RYR2: variants seen among roughly 807,000 people sequenced by gnomAD.
The protein encoded by RYR2 is cardiac muscle ryanodine receptor-calcium release channel.
RYR2 carries 227 observed loss-of-function variants against 601.1 expected under a neutral mutation model. The observed-to-expected ratio is 0.38, with a 90% CI of 0.34 to 0.42. The LOEUF (loss-of-function observed/expected upper bound fraction) is 0.42, where lower values mean the gene tolerates loss of function less well. Ranked by LOEUF, RYR2 falls within the 10% of genes least tolerant of loss-of-function variation. The pLI, the probability that RYR2 is intolerant of heterozygous loss-of-function variation, is 1.00. For missense variants in RYR2, 4,646 were observed against 6,156.5 expected (o/e 0.75, Z 8.21); for synonymous variants, 2,223 against 2,175.1 (o/e 1.02, Z -0.61).
At position 237,792,106 on chromosome 1, in the gene RYR2, T is replaced by C. The variant is rs1361438801; in HGVS notation, c.13565T>C (p.Val4522Ala). ...TCTACTTTAAATGCTTTGAATCAGG[T>C]CTCCACTTCTTCTGTGGTTGAAGGA... ...AINFILLFYK[V>A]STSSVVEGKE... Residue 4522 changes from valine to alanine, a missense_variant and splice_region_variant, in exon 94 of 105, where the codon GTC (valine) becomes GCC (alanine). Transcript: ENST00000366574. The C allele has an allele frequency of 6.3e-7, 1 of 1,587,554 alleles. No homozygotes were observed. Among genetic ancestry groups the C allele is most frequent in the Non-Finnish European group, 8.6e-7 (1 of 1,165,950 alleles).
intron 1 of RYR2, among the ~76,000 whole-genome samples, chr1:237,156,689 A>G (rs1319320015): frequency 6.6e-6 from 1 of 152,202 alleles, no homozygotes; most frequent in Non-Finnish European, 1.5e-5. Context: ...GCTTAAGTGA[A>G]TATAGTAATA....
chr1:237,681,045 C>T (rs563562251), intron 62 of RYR2, among the ~76,000 whole-genome samples: 4 of 152,240 alleles, frequency 2.6e-5, no homozygotes, highest in Admixed American at 1.3e-4. Flanking sequence ...CTGAAGCTTT[C>T]CCCTCTTAAC....
intron 1 of RYR2, among the ~76,000 whole-genome samples, chr1:237,042,967 C>T (rs1256450046): frequency 5.3e-5 from 8 of 151,680 alleles, no homozygotes; most frequent in Admixed American, 5.2e-4. Context: ...CAGGGTGGCC[C>T]GTGGGGGCGC....
intron 35 of RYR2, among the ~76,000 whole-genome samples, chr1:237,607,284 TGAAGC>T (rs1471726505): frequency 2.6e-5 from 4 of 152,066 alleles, no homozygotes; most frequent in South Asian, 4.2e-4. Flanking sequence ...GGGACATGGA[TGAAGC>T]TGGAAACCAC....
intron 16 of RYR2, among the ~76,000 whole-genome samples, chr1:237,465,309 T>C (rs1333068900): frequency 1.3e-5 from 2 of 152,194 alleles, no homozygotes; most frequent in African/African-American, 2.4e-5. Context: ...CTAAATTTGA[T>C]TTATAAATAC....
intron 1 of RYR2, among the ~76,000 whole-genome samples, chr1:237,061,747 A>C (rs576892425): frequency 6.6e-5 from 10 of 151,760 alleles, no homozygotes; most frequent in Non-Finnish European, 1.5e-4. Flanking sequence ...GTCGAAGAGC[A>C]GTTTTTCACT....
At chr1:237,369,743 T>C in intron 6 of RYR2, 135 bp downstream of exon 6, 1 of 692,296 alleles carries the variant, frequency 1.4e-6, no homozygotes, top group Non-Finnish European at 2.4e-6. Context: ...CATATCTTTG[T>C]ACCCTTGTTA....
chr1:237,092,213 G>A lies in RYR2; in HGVS notation c.48+49644G>A, dbSNP rs1396565470. ...CCCACCCTTGGGTTAACAATGGGTTGATGTTACCTGGTGTGCCGTGTAGAG... is the reference window on the plus strand; with the variant it reads ...CCCACCCTTGGGTTAACAATGGGTTAATGTTACCTGGTGTGCCGTGTAGAG... On this transcript the variant is annotated intron_variant, in intron 1 of 104. Coordinates refer to ENST00000366574, the MANE Select transcript of RYR2 (RefSeq NM_001035.3). 2.0e-5 allele frequency among the ~76,000 whole-genome samples: 3 copies of A among 152,192 alleles called. No individual in the cohort carries two copies. In the East Asian group the frequency reaches 5.8e-4, roughly 29 times the overall value.
intron 10 of RYR2, among the ~76,000 whole-genome samples, chr1:237,396,575 G>A (rs547661316): frequency 1.3e-5 from 2 of 152,150 alleles, no homozygotes; most frequent in Admixed American, 1.3e-4. Context: ...TTCTTTGCCT[G>A]AGGGGAGGTT....
intron 39 of RYR2, 97 bp from the exon 40 acceptor site, chr1:237,625,564 C>T (rs757342265): frequency 4.0e-6 from 5 of 1,263,256 alleles, no homozygotes; most frequent in Non-Finnish European, 5.5e-6. Context: ...TGACATTGTT[C>T]TAAGTTGTGC....
intron 73 of RYR2, among the ~76,000 whole-genome samples, chr1:237,720,290 C>T (rs1689612205): frequency 6.6e-6 from 1 of 152,052 alleles, no homozygotes; most frequent in Non-Finnish European, 1.5e-5. Flanking sequence ...ATATGCCTTT[C>T]TGGGTATTAA....
rs377561571 is a variant in RYR2, at chr1:237,413,499, C to G, written c.774-3550C>G. On this transcript the variant is annotated intron_variant, in intron 10 of 104. Transcript: ENST00000366574. ...TATTGTATAAATCCATATAACTTTA[C>G]AAAGATATATTATTCATGCTATTTG... is the stretch of plus-strand genomic sequence containing the variant. Among the ~76,000 whole-genome samples, 12 of 152,200 alleles carry G rather than the reference C, an allele frequency of 7.9e-5. No homozygotes were observed. The East Asian group carries it at 1.7e-3, about 22-fold the overall frequency.
chr1:237,697,981 A>C (rs934099050), intron 63 of RYR2, among the ~76,000 whole-genome samples: 1 of 152,112 alleles, frequency 6.6e-6, no homozygotes, highest in Non-Finnish European at 1.5e-5. Context: ...ACAATTATTA[A>C]TTTCAGTGTG....
At chr1:237,098,626 C>T (rs1667739314) in intron 1 of RYR2, among the ~76,000 whole-genome samples, 1 of 152,100 alleles carries the variant, frequency 6.6e-6, no homozygotes, top group Non-Finnish European at 1.5e-5. Context: ...TCATTTGTGA[C>T]AATGTGGGTA....
intron 71 of RYR2, among the ~76,000 whole-genome samples, chr1:237,712,681 C>T (rs1055427248): frequency 1.1e-4 from 16 of 152,126 alleles, no homozygotes; most frequent in Admixed American, 1.0e-3. Context: ...AAAATAAATT[C>T]GCTGCATTAT....
intron 101 of RYR2, among the ~76,000 whole-genome samples, chr1:237,820,045 G>A (rs1467140643): frequency 6.6e-6 from 1 of 151,892 alleles, no homozygotes; most frequent in Non-Finnish European, 1.5e-5. Flanking sequence ...AAATTAGCCT[G>A]GTGTGGTGGT....
At chr1:237,421,312 A>G (rs1327892180) in intron 11 of RYR2, among the ~76,000 whole-genome samples, 1 of 152,218 alleles carries the variant, frequency 6.6e-6, no homozygotes, top group Non-Finnish European at 1.5e-5. Flanking sequence ...AATACACTTA[A>G]TTTTATAAGA....
chr1:237,158,461 G>T (rs989890061), intron 1 of RYR2, among the ~76,000 whole-genome samples: 1 of 152,030 alleles, frequency 6.6e-6, no homozygotes, highest in East Asian at 1.9e-4. Flanking sequence ...GCCTTCTCCC[G>T]GGCTTTGAAG....
At chr1:237,633,792 T>C in intron 43 of RYR2, 82 bp downstream of exon 43, 4 of 1,355,266 alleles carry the variant, frequency 3.0e-6, no homozygotes, top group East Asian at 2.5e-5. Context: ...TGTTAAAAAA[T>C]GTGCAATGGA....
Sources: allele counts gnomAD v4.1 joint callset (sites outside exome capture counted in the v4.1 genomes callset), GRCh38; gene constraint gnomAD v4.1.1; transcripts MANE v1.5; gene names NCBI Gene and HGNC (gene_info 2026-07-23, HGNC 2026-07-21).